The following FNDC3A variants were observed in gnomAD, a reference collection of about 807,000 sequenced individuals.
FNDC3A encodes the protein fibronectin type-III domain-containing protein 3A.
FNDC3A carries 32 observed loss-of-function variants against 148.9 expected under a neutral mutation model. The observed-to-expected ratio is 0.21, with a 90% CI of 0.16 to 0.29. The LOEUF is 0.29. FNDC3A is among the 10% of genes least tolerant of loss of function. The pLI is 1.00. For synonymous variants in FNDC3A, 472 were observed against 473.6 expected (o/e 1.00, Z 0.04); for missense variants, 1,191 against 1,452.8 (o/e 0.82, Z 2.93).
At chr13:49,144,361 A>G (rs888202245) in intron 7 of FNDC3A, among the ~76,000 whole-genome samples, 1 of 152,168 alleles carries the variant, frequency 6.6e-6, no homozygotes, top group Non-Finnish European at 1.5e-5. Context: ...CAGAAGCAAA[A>G]TAAATATAGT....
At chr13:49,111,229 A>G (rs192183284) in intron 3 of FNDC3A, among the ~76,000 whole-genome samples, 152 of 152,344 alleles carry the variant, frequency 1.0e-3, no homozygotes, top group Non-Finnish European at 1.4e-3. Context: ...AAACATTTAC[A>G]TCATTAAATA....
intron 8 of FNDC3A, among the ~76,000 whole-genome samples, chr13:49,150,306 T>G (rs1166468005): frequency 6.6e-6 from 1 of 152,176 alleles, no homozygotes; most frequent in Admixed American, 6.5e-5. Flanking sequence ...TCCACTAATT[T>G]TGGATTTGGT....
At chr13:49,009,710 G>A (rs9316426) in intron 2 of FNDC3A, among the ~76,000 whole-genome samples, 100,509 of 152,036 alleles carry the variant, frequency 0.66, 33,384 homozygotes, top group Admixed American at 0.69. Context: ...GCTCAGTTCT[G>A]TTCTCTAGTG....
intron 2 of FNDC3A, among the ~76,000 whole-genome samples, chr13:49,023,795 C>G (rs1050608527): frequency 2.0e-5 from 3 of 151,922 alleles, no homozygotes; most frequent in Admixed American, 6.6e-5. Flanking sequence ...ATGTTTCCCA[C>G]TTTTGCAAGT....
At chr13:49,013,063 C>T (rs1434539818) in intron 2 of FNDC3A, among the ~76,000 whole-genome samples, 1 of 152,050 alleles carries the variant, frequency 6.6e-6, no homozygotes, top group East Asian at 1.9e-4. Context: ...CGCCAGTAAT[C>T]CCAGCATTTT....
intron 2 of FNDC3A, chr13:49,046,862 T>A (rs1364460360): frequency 6.6e-6 from 1 of 152,010 alleles, no homozygotes; most frequent in African/African-American, 2.4e-5. Flanking sequence ...AGTTTTTTTT[T>A]TATTTCAGTA....
intron 2 of FNDC3A, among the ~76,000 whole-genome samples, chr13:49,022,936 A>G (rs1302614204): frequency 6.6e-6 from 1 of 152,116 alleles, no homozygotes; most frequent in Non-Finnish European, 1.5e-5. Context: ...CAGATCTGAA[A>G]ATTTGCTTAG....
rs150831702 is a variant in FNDC3A at position 48,985,050 on chromosome 13, C to T, written c.-40+8873C>T. Among the ~76,000 whole-genome samples the T allele has an allele frequency of 8.5e-3, 1,301 of 152,170 alleles. 9 individuals carry two copies. Among genetic ancestry groups the T allele is most frequent in the Non-Finnish European group, 0.016 (1,073 of 68,008 alleles). On this transcript the variant is annotated intron_variant, in intron 1 of 25. Transcript: ENST00000492622. ...ACTTTTAAAAGTTAATTTAAAAACT[C>T]GTTGGAGTAGAGAAGGCCTTTTAAG... is the stretch of plus-strand genomic sequence containing the variant.
At chr13:49,178,394 C>T (rs140818377) in intron 13 of FNDC3A, among the ~76,000 whole-genome samples, 174 bp from the exon 14 acceptor site, 1 of 152,278 alleles carries the variant, frequency 6.6e-6, no homozygotes, top group African/African-American at 2.4e-5. Flanking sequence ...TAAGCATTTC[C>T]GGGTCTACCC....
At chr13:49,036,120 T>C (rs1874474291) in intron 2 of FNDC3A, among the ~76,000 whole-genome samples, 1 of 152,154 alleles carries the variant, frequency 6.6e-6, no homozygotes, top group Non-Finnish European at 1.5e-5. Flanking sequence ...ATGAATTTCC[T>C]AGCTTAACTT....
At chr13:49,064,034 A>G (rs908642406) in intron 2 of FNDC3A, among the ~76,000 whole-genome samples, 11 of 152,216 alleles carry the variant, frequency 7.2e-5, no homozygotes, top group Admixed American at 7.2e-4. Flanking sequence ...AAAAACAGGT[A>G]AAGGACATCA....
At chr13:49,035,451 G>C (rs1874426405) in intron 2 of FNDC3A, among the ~76,000 whole-genome samples, 1 of 151,898 alleles carries the variant, frequency 6.6e-6, no homozygotes, top group Non-Finnish European at 1.5e-5. Flanking sequence ...ATTTACCTTT[G>C]TAGAAAAGTC....
chr13:49,002,940 A>G (rs1269365276), intron 1 of FNDC3A, among the ~76,000 whole-genome samples: 1 of 152,248 alleles, frequency 6.6e-6, no homozygotes, highest in African/African-American at 2.4e-5. Flanking sequence ...GGATGCATAT[A>G]TTCAACCTTG....
At chr13:49,200,349 A>G (rs574491767) in intron 23 of FNDC3A, among the ~76,000 whole-genome samples, 10 of 152,222 alleles carry the variant, frequency 6.6e-5, no homozygotes, top group African/African-American at 2.2e-4. Context: ...CACAGAACAA[A>G]CGTGATCATT....
In FNDC3A at chr13:49,191,199, C is replaced by T; in HGVS notation, c.2051-10C>T. ...TCTTGTTAAATTGCATTAATCTTTC[C>T]ATCTTTTAGGACCCCCTCTGGTTGA... On this transcript the variant is annotated splice_polypyrimidine_tract_variant and intron_variant, in intron 18 of 25. Coordinates refer to ENST00000492622, the MANE Select transcript of FNDC3A (RefSeq NM_001079673.2). The T allele has an allele frequency of 6.2e-7, 1 of 1,604,668 alleles. No homozygotes were observed. Among genetic ancestry groups the T allele is most frequent in the Non-Finnish European group, 8.5e-7 (1 of 1,175,908 alleles).
chr13:49,189,343 T>G (rs551567625), intron 17 of FNDC3A, among the ~76,000 whole-genome samples: 14 of 151,966 alleles, frequency 9.2e-5, no homozygotes, highest in African/African-American at 3.4e-4. Flanking sequence ...CCACCACAAC[T>G]GGCTAATTTT....
chr13:49,028,159 G>A (rs1285995164), intron 2 of FNDC3A, among the ~76,000 whole-genome samples: 1 of 151,916 alleles, frequency 6.6e-6, no homozygotes, highest in Admixed American at 6.6e-5. Flanking sequence ...AGGTTGCAGT[G>A]TGCTGAGATT....
intron 2 of FNDC3A, among the ~76,000 whole-genome samples, chr13:49,033,090 T>TGCTTG (rs1339246131): frequency 6.6e-6 from 1 of 152,202 alleles, no homozygotes. Flanking sequence ...TGTACACTGA[T>TGCTTG]GCTTGTTTCT....
At chr13:49,049,465 T>C (rs1204520469) in intron 2 of FNDC3A, among the ~76,000 whole-genome samples, 1 of 152,128 alleles carries the variant, frequency 6.6e-6, no homozygotes, top group Non-Finnish European at 1.5e-5. Flanking sequence ...TGCAGTTTTT[T>C]TCATTACCAA....
Sources: gnomAD v4.1 joint callset for allele counts (sites outside exome capture counted in the v4.1 genomes callset) on GRCh38, gnomAD v4.1.1 for gene constraint, MANE v1.5 for transcripts, NCBI Gene and HGNC (gene_info 2026-07-23, HGNC 2026-07-21) for gene names.